Variants in DLGAP2 observed in about 807,000 individuals in gnomAD.
The protein encoded by DLGAP2 is DLG associated protein 2, also known as disks large-associated protein 2.
DLGAP2 carries 26 observed loss-of-function variants against 100.3 expected under a neutral mutation model. The observed-to-expected ratio is 0.26, with a 90% confidence interval of 0.19 to 0.36. The LOEUF is 0.36. Among genes scored for constraint, DLGAP2 ranks in the 10% least tolerant of loss-of-function variants. The pLI is 1.00. For synonymous variants in DLGAP2, 886 were observed against 630.1 expected, an observed-to-expected ratio of 1.41 and a Z score of -6.08; for missense variants, 1,858 against 1,453.2, an observed-to-expected ratio of 1.28 and a Z score of -4.53.
intron 3 of DLGAP2, among the ~76,000 whole-genome samples, chr8:1,324,211 T>A (rs1800970317): frequency 6.6e-6 from 1 of 152,144 alleles, no homozygotes; most frequent in South Asian, 2.1e-4. Flanking sequence ...TTTCCCAAAT[T>A]AGGACAAACC....
chr8:1,050,225 C>T (rs1000042939), intron 2 of DLGAP2, among the ~76,000 whole-genome samples: 1 of 152,120 alleles, frequency 6.6e-6, no homozygotes, highest in African/African-American at 2.4e-5. Flanking sequence ...ACCTACAGTC[C>T]CCGATTTAAC....
At chr8:922,178 G>A (rs2129001653) in intron 2 of DLGAP2, among the ~76,000 whole-genome samples, 1 of 152,330 alleles carries the variant, frequency 6.6e-6, no homozygotes, top group African/African-American at 2.4e-5. Context: ...GTTGGTGGAG[G>A]CTGTGTAAGG....
chr8:1,020,946 G>A (rs1432230252), intron 2 of DLGAP2, among the ~76,000 whole-genome samples: 2 of 152,286 alleles, frequency 1.3e-5, no homozygotes, highest in Admixed American at 6.5e-5. Flanking sequence ...AGCAGGCAAA[G>A]CAATTAATCA....
intron 3 of DLGAP2, among the ~76,000 whole-genome samples, chr8:1,361,092 T>A (rs1030886976): frequency 1.3e-5 from 2 of 152,210 alleles, no homozygotes; most frequent in Non-Finnish European, 2.9e-5. Flanking sequence ...CCCCAGGCTG[T>A]TCACAGTGAT....
At chr8:912,434 C>T (rs1312321462) in intron 2 of DLGAP2, among the ~76,000 whole-genome samples, 1 of 152,162 alleles carries the variant, frequency 6.6e-6, no homozygotes, top group Non-Finnish European at 1.5e-5. Flanking sequence ...TGCTGGTCCG[C>T]GTTTATCAAC....
intron 3 of DLGAP2, among the ~76,000 whole-genome samples, chr8:1,408,737 A>T (rs981716192): frequency 6.6e-6 from 1 of 152,084 alleles, no homozygotes; most frequent in African/African-American, 2.4e-5. Flanking sequence ...TGAAAGCAGA[A>T]CCCGGGAAAG....
intron 4 of DLGAP2, among the ~76,000 whole-genome samples, chr8:1,537,002 T>C (rs1457729547): frequency 6.6e-6 from 1 of 151,894 alleles, no homozygotes; most frequent in Non-Finnish European, 1.5e-5. Flanking sequence ...GCCGGTACAA[T>C]GATTACGGGC....
intron 3 of DLGAP2, among the ~76,000 whole-genome samples, chr8:1,356,202 C>A (rs1011805572): frequency 1.3e-5 from 2 of 152,102 alleles, no homozygotes; most frequent in African/African-American, 4.8e-5. Flanking sequence ...CCTGGAGAGG[C>A]TCCCTTTGAA....
At chr8:865,310 A>G (rs1797473290) in intron 1 of DLGAP2, among the ~76,000 whole-genome samples, 1 of 152,248 alleles carries the variant, frequency 6.6e-6, no homozygotes, top group Non-Finnish European at 1.5e-5. Context: ...AGTTATTGCT[A>G]CTAAACGCTG....
chr8:1,380,313 C>T (rs1184936384), intron 3 of DLGAP2: 1 of 152,236 alleles, frequency 6.6e-6, no homozygotes, highest in Non-Finnish European at 1.5e-5. Flanking sequence ...GGCTTTGTTA[C>T]TTCCTGCACC....
chr8:1,289,404 CAG>C (rs1159851644), intron 3 of DLGAP2, among the ~76,000 whole-genome samples: 3 of 152,188 alleles, frequency 2.0e-5, no homozygotes, highest in African/African-American at 7.2e-5. Flanking sequence ...ACTGTTAGTT[CAG>C]AGTGGTTGCT....
intron 2 of DLGAP2, among the ~76,000 whole-genome samples, chr8:1,105,683 G>C (rs562000902): frequency 6.6e-6 from 1 of 150,724 alleles, no homozygotes; most frequent in Admixed American, 6.6e-5. Context: ...GGCCATTCTA[G>C]GATGGTTTTC....
intron 2 of DLGAP2, among the ~76,000 whole-genome samples, chr8:954,169 A>G (rs745418785): frequency 6.6e-6 from 1 of 152,208 alleles, no homozygotes; most frequent in Non-Finnish European, 1.5e-5. Context: ...TTTAAGGTGC[A>G]TAATGTGGCA....
At chr8:1,113,789 A>G (rs1239845810) in intron 2 of DLGAP2, among the ~76,000 whole-genome samples, 1 of 152,184 alleles carries the variant, frequency 6.6e-6, no homozygotes, top group Non-Finnish European at 1.5e-5. Context: ...TTCAAGGGGA[A>G]TTCTTCCAGC....
intron 8 of DLGAP2, among the ~76,000 whole-genome samples, chr8:1,660,892 C>A (rs982240855): frequency 6.6e-6 from 1 of 152,150 alleles, no homozygotes; most frequent in East Asian, 1.9e-4. Flanking sequence ...GGCTTTTCCC[C>A]TTGAATGGTG....
chr8:768,418 AT>A (rs58234397), intron 1 of DLGAP2, among the ~76,000 whole-genome samples: 5,702 of 99,934 alleles, frequency 0.057, 192 homozygotes, highest in South Asian at 0.15. Context: ...GAAGGCGTTG[AT>A]TTTTTTTTTT....
chr8:1,360,536 G>A (rs369503464), intron 3 of DLGAP2, among the ~76,000 whole-genome samples: 1 of 152,112 alleles, frequency 6.6e-6, no homozygotes, highest in African/African-American at 2.4e-5. Context: ...GGGGCAGCAC[G>A]GGACCACGGC....
intron 4 of DLGAP2, among the ~76,000 whole-genome samples, chr8:1,524,717 C>T (rs903628579): frequency 1.3e-5 from 2 of 152,122 alleles, no homozygotes; most frequent in Non-Finnish European, 2.9e-5. Context: ...GTACAAGTGA[C>T]GTCACACAGT....
chr8:907,366 C>G (rs933862210), intron 1 of DLGAP2, among the ~76,000 whole-genome samples: 8 of 152,318 alleles, frequency 5.3e-5, no homozygotes, highest in Middle Eastern at 3.4e-3. Context: ...AAGCCATTCT[C>G]TGTTATTTTC....
Sources: allele counts gnomAD v4.1 joint callset (sites outside exome capture counted in the v4.1 genomes callset), GRCh38; gene constraint gnomAD v4.1.1; transcripts MANE v1.5; gene names NCBI Gene and HGNC (gene_info 2026-07-23, HGNC 2026-07-21).